The following PDE4B variants were observed in gnomAD, a reference collection of about 807,000 sequenced individuals.
The protein encoded by PDE4B is 3',5'-cyclic-AMP phosphodiesterase 4B.
PDE4B carries 20 observed loss-of-function variants against 82.2 expected under a neutral mutation model. The ratio of observed to expected loss-of-function variants is 0.24; its 90% CI spans 0.17 to 0.35. PDE4B has a LOEUF of 0.35. PDE4B is among the 10% of genes least tolerant of loss of function. The probability of loss-of-function intolerance (pLI) is 1.00; values close to 1 mark genes in which losing one functional copy is unlikely to be tolerated. For missense variants in PDE4B, 655 were observed against 907.2 expected, an observed-to-expected ratio of 0.72 and a Z score of 3.57; for synonymous variants, 320 against 318.9, an observed-to-expected ratio of 1.00 and a Z score of -0.04.
intron 3 of PDE4B, among the ~76,000 whole-genome samples, chr1:65,940,943 AT>A (rs1192274000): frequency 6.6e-6 from 1 of 152,122 alleles, no homozygotes; most frequent in Non-Finnish European, 1.5e-5. Context: ...AAATAATTTC[AT>A]AGGCATAATC....
chr1:66,361,841 A>T, intron 10 of PDE4B, 48 bp downstream of exon 10: 1 of 1,468,274 alleles, frequency 6.8e-7, no homozygotes, highest in South Asian at 1.2e-5. Context: ...GCTTTACAGC[A>T]GACGGATGAC....
chr1:66,058,623 T>C (rs1376776122), intron 3 of PDE4B, among the ~76,000 whole-genome samples: 1 of 152,204 alleles, frequency 6.6e-6, no homozygotes, highest in Non-Finnish European at 1.5e-5. Flanking sequence ...CAACACCATG[T>C]GGAAGCTACC....
chr1:66,347,855 C>T (rs955526714), intron 8 of PDE4B, among the ~76,000 whole-genome samples: 2 of 152,086 alleles, frequency 1.3e-5, no homozygotes, highest in African/African-American at 2.4e-5. Context: ...TTAAAACAAC[C>T]TAAGAGGTAC....
At chr1:66,181,293 C>A (rs546073659) in intron 3 of PDE4B, among the ~76,000 whole-genome samples, 1 of 152,278 alleles carries the variant, frequency 6.6e-6, no homozygotes, top group East Asian at 1.9e-4. Flanking sequence ...TAGATACCCA[C>A]CCTTGGGTAA....
chr1:66,180,016 A>C (rs1464915253), intron 3 of PDE4B, among the ~76,000 whole-genome samples: 1 of 152,226 alleles, frequency 6.6e-6, no homozygotes, highest in Non-Finnish European at 1.5e-5. Context: ...TGAAATAATA[A>C]CTTCTAATGC....
At chr1:66,016,006 T>G (rs940204191) in intron 3 of PDE4B, among the ~76,000 whole-genome samples, 1 of 152,160 alleles carries the variant, frequency 6.6e-6, no homozygotes, top group Non-Finnish European at 1.5e-5. Context: ...ATGCTTATGT[T>G]TAGGAGCTCG....
chr1:66,026,509 A>G (rs568611470), intron 3 of PDE4B, among the ~76,000 whole-genome samples: 1 of 152,342 alleles, frequency 6.6e-6, no homozygotes, highest in African/African-American at 2.4e-5. Flanking sequence ...GGACAGAAGC[A>G]TTTAATCTCT....
chr1:66,274,221 T>C (rs932731452), intron 7 of PDE4B, among the ~76,000 whole-genome samples: 1 of 151,726 alleles, frequency 6.6e-6, no homozygotes, highest in African/African-American at 2.4e-5. Flanking sequence ...AGAGCAATGG[T>C]ACAATCTCAG....
intron 7 of PDE4B, among the ~76,000 whole-genome samples, chr1:66,280,665 G>T (rs1479956201): frequency 6.6e-6 from 1 of 152,098 alleles, no homozygotes; most frequent in Non-Finnish European, 1.5e-5. Flanking sequence ...CCATTTCCCT[G>T]TGAGTCTTGT....
intron 3 of PDE4B, among the ~76,000 whole-genome samples, chr1:65,945,418 A>C (rs1418472480): frequency 6.6e-6 from 1 of 151,976 alleles, no homozygotes; most frequent in African/African-American, 2.4e-5. Context: ...GAACTGGCTG[A>C]GACACTGTAG....
At chr1:66,281,280 A>G (rs961650111) in intron 7 of PDE4B, among the ~76,000 whole-genome samples, 2 of 152,218 alleles carry the variant, frequency 1.3e-5, no homozygotes, top group African/African-American at 4.8e-5. Context: ...AGGGGATTCC[A>G]TCTAATCTTT....
chr1:66,124,601 C>T (rs1294355718), intron 3 of PDE4B, among the ~76,000 whole-genome samples: 2 of 152,114 alleles, frequency 1.3e-5, no homozygotes, highest in Admixed American at 1.3e-4. Flanking sequence ...CTGAACTAGA[C>T]TCTTTCAATA....
intron 7 of PDE4B, among the ~76,000 whole-genome samples, chr1:66,310,310 G>T (rs1658577959): frequency 6.6e-6 from 1 of 152,086 alleles, no homozygotes; most frequent in Non-Finnish European, 1.5e-5. Context: ...ATAAAGCCGG[G>T]ACTATAACTC....
At chr1:66,303,758 A>T (rs1658073841) in intron 7 of PDE4B, among the ~76,000 whole-genome samples, 1 of 152,116 alleles carries the variant, frequency 6.6e-6, no homozygotes, top group Non-Finnish European at 1.5e-5. Context: ...TTATGGGAAA[A>T]CAGGTAAGAG....
At chr1:65,819,504 GT>G (rs35338207) in intron 1 of PDE4B, among the ~76,000 whole-genome samples, 15 of 114,198 alleles carry the variant, frequency 1.3e-4, no homozygotes, top group South Asian at 1.1e-3. Context: ...TTTTTGTTTT[GT>G]TTTTTTTTTT....
At chr1:66,101,942 C>A (rs563501363) in intron 3 of PDE4B, among the ~76,000 whole-genome samples, 1 of 152,260 alleles carries the variant, frequency 6.6e-6, no homozygotes, top group East Asian at 1.9e-4. Context: ...CCTAAGTTTT[C>A]TTCTAGAGTT....
chr1:66,366,514 C>A (rs1407173305), intron 13 of PDE4B, among the ~76,000 whole-genome samples: 2 of 152,154 alleles, frequency 1.3e-5, no homozygotes, highest in African/African-American at 4.8e-5. Flanking sequence ...ACATCAAGTA[C>A]TGACAGTTTT....
chr1:66,051,924 C>A (rs908626516), intron 3 of PDE4B, among the ~76,000 whole-genome samples: 1 of 152,112 alleles, frequency 6.6e-6, no homozygotes, highest in African/African-American at 2.4e-5. Context: ...CTATTCACTC[C>A]TTAGGGCAGC....
chr1:66,216,497 G>A (rs1650474146), intron 3 of PDE4B, among the ~76,000 whole-genome samples: 1 of 152,122 alleles, frequency 6.6e-6, no homozygotes, highest in South Asian at 2.1e-4. Context: ...CTACACCTCT[G>A]AATTTCCTGC....
Sources: gnomAD v4.1 joint callset for allele counts (sites outside exome capture counted in the v4.1 genomes callset) on GRCh38, gnomAD v4.1.1 for gene constraint, MANE v1.5 for transcripts, NCBI Gene and HGNC (gene_info 2026-07-23, HGNC 2026-07-21) for gene names.